Variants in TRPM3 observed in about 807,000 individuals in gnomAD.
The protein encoded by TRPM3 is transient receptor potential cation channel subfamily M member 3.
TRPM3 carries 77 observed loss-of-function variants against 181.2 expected under a neutral mutation model. The ratio of observed to expected loss-of-function variants is 0.42; its 90% CI spans 0.35 to 0.51. The LOEUF (loss-of-function observed/expected upper bound fraction) is 0.51. TRPM3 is among the 20% of genes least tolerant of loss of function. The pLI is 0.01. For missense variants in TRPM3, 1,759 were observed against 2,196.7 expected, an observed-to-expected ratio of 0.80 and a Z score of 3.98; for synonymous variants, 745 against 796.4, an observed-to-expected ratio of 0.94 and a Z score of 1.09.
At chr9:71,337,730 C>A (rs2090660051) in intron 1 of TRPM3, among the ~76,000 whole-genome samples, 1 of 152,090 alleles carries the variant, frequency 6.6e-6, no homozygotes, top group African/African-American at 2.4e-5. Context: ...GGCAAATGTA[C>A]ACTATGGAAT....
At chr9:70,616,573 C>CAA (rs398113513) in intron 17 of TRPM3, among the ~76,000 whole-genome samples, 18,280 of 121,114 alleles carry the variant, frequency 0.15, 1,480 homozygotes, top group Admixed American at 0.21. Flanking sequence ...ATTATCTCTG[C>CAA]AAAAAAAAAA....
chr9:70,954,246 C>T (rs79554752), intron 1 of TRPM3, among the ~76,000 whole-genome samples: 1,759 of 152,244 alleles, frequency 0.012, 39 homozygotes, highest in African/African-American at 0.04. Flanking sequence ...TAAAACATCT[C>T]CATTATTCCT....
intron 1 of TRPM3, among the ~76,000 whole-genome samples, chr9:71,169,492 G>A (rs903303261): frequency 1.9e-4 from 29 of 152,134 alleles, no homozygotes; most frequent in African/African-American, 5.6e-4. Context: ...AAAGTCAATT[G>A]AAAACTATGT....
intron 1 of TRPM3, among the ~76,000 whole-genome samples, chr9:71,077,994 T>C (rs1473465099): frequency 6.6e-6 from 1 of 151,334 alleles, no homozygotes; most frequent in East Asian, 1.9e-4. Context: ...GGCTGGAGTA[T>C]ACTGGTCAAA....
chr9:71,192,242 A>C (rs547046851), intron 1 of TRPM3, among the ~76,000 whole-genome samples: 1 of 152,012 alleles, frequency 6.6e-6, no homozygotes, highest in African/African-American at 2.4e-5. Flanking sequence ...TGAATCAATT[A>C]AAGAATCTAA....
chr9:70,811,219 G>A, intron 6 of TRPM3: 1 of 1,612,206 alleles, frequency 6.2e-7, no homozygotes. Context: ...ACAAGCGGGA[G>A]TCAAGAGAGA....
At chr9:70,771,950 A>G (rs1412486252) in intron 7 of TRPM3, among the ~76,000 whole-genome samples, 1 of 152,200 alleles carries the variant, frequency 6.6e-6, no homozygotes, top group African/African-American at 2.4e-5. Context: ...TATTTGGTTT[A>G]CTAGTGTATT....
At chr9:71,324,967 T>A (rs138426670) in intron 1 of TRPM3, among the ~76,000 whole-genome samples, 1 of 151,974 alleles carries the variant, frequency 6.6e-6, no homozygotes, top group Non-Finnish European at 1.5e-5. Flanking sequence ...GGAGGGAAGA[T>A]GAAGAGAAGT....
At chr9:71,155,802 G>A (rs1197143889) in intron 1 of TRPM3, among the ~76,000 whole-genome samples, 3 of 152,216 alleles carry the variant, frequency 2.0e-5, no homozygotes, top group Admixed American at 6.5e-5. Flanking sequence ...CAGAAAGATT[G>A]TAAAAGGAAT....
intron 1 of TRPM3, among the ~76,000 whole-genome samples, chr9:70,899,568 C>T (rs1208527493): frequency 6.6e-6 from 1 of 152,008 alleles, no homozygotes. Flanking sequence ...TCTTTTTGTT[C>T]CTTCCCTTGA....
At chr9:71,004,648 A>T (rs2134277378) in intron 1 of TRPM3, among the ~76,000 whole-genome samples, 1 of 152,344 alleles carries the variant, frequency 6.6e-6, no homozygotes, top group East Asian at 1.9e-4. Flanking sequence ...AAATTTAAAG[A>T]TCTATGAAAT....
intron 6 of TRPM3, among the ~76,000 whole-genome samples, chr9:70,787,588 C>T (rs1287697161): frequency 2.0e-5 from 3 of 152,100 alleles, no homozygotes; most frequent in African/African-American, 7.2e-5. Context: ...GTCTTTATTT[C>T]TGGCAAAAGA....
rs59442017 is a variant in TRPM3 at position 71,007,039 on chromosome 9, C to CAA, written c.177+114137_177+114138dup. Among the ~76,000 whole-genome samples, 79 of 27,976 alleles carry CAA rather than the reference C, an allele frequency of 2.8e-3. 3 individuals carry two copies. Among genetic ancestry groups the CAA allele is most frequent in the Non-Finnish European group, 2.9e-3 (50 of 17,012 alleles). 18.4% of individuals were successfully genotyped at this position (27,976 alleles called of 152,430 possible). On this transcript the variant is annotated intron_variant, in intron 1 of 25. Coordinates refer to ENST00000677713, the MANE Select transcript of TRPM3 (RefSeq NM_001366145.2). ...AGGCAACAAGAGCGAAACTCCATCT[C>CAA]AAAAAAAAAAAAAAAAAAAAAAAAG... is the stretch of plus-strand genomic sequence containing the variant.
At chr9:71,419,771 T>C (rs537137093) in intron 1 of TRPM3, among the ~76,000 whole-genome samples, 2 of 152,054 alleles carry the variant, frequency 1.3e-5, no homozygotes, top group South Asian at 4.1e-4. Context: ...AAATACACTA[T>C]AAAAAGGGTT....
At chr9:70,680,814 C>T (rs1046514106) in intron 9 of TRPM3, among the ~76,000 whole-genome samples, 1 of 152,306 alleles carries the variant, frequency 6.6e-6, no homozygotes, top group Admixed American at 6.5e-5. Context: ...CTTAGTAAAG[C>T]ACAGGAAGGA....
intron 1 of TRPM3, among the ~76,000 whole-genome samples, chr9:70,932,410 A>C (rs1169261406): frequency 1.3e-5 from 2 of 152,136 alleles, no homozygotes; most frequent in African/African-American, 2.4e-5. Flanking sequence ...CTGGGAATAC[A>C]ATAATGAACA....
chr9:71,143,563 C>A (rs113778958), intron 1 of TRPM3, among the ~76,000 whole-genome samples: 7 of 151,978 alleles, frequency 4.6e-5, no homozygotes, highest in Non-Finnish European at 7.4e-5. Context: ...GGTATATGTG[C>A]CACATTTTCT....
At chr9:71,302,549 C>T (rs1166434010) in intron 1 of TRPM3, among the ~76,000 whole-genome samples, 7 of 152,142 alleles carry the variant, frequency 4.6e-5, no homozygotes, top group Admixed American at 1.3e-4. Context: ...TTGAGGCATC[C>T]ATTGGTTCAA....
chr9:71,030,571 CAA>C (rs34824308), intron 1 of TRPM3, among the ~76,000 whole-genome samples: 2 of 124,094 alleles, frequency 1.6e-5, no homozygotes, highest in Admixed American at 8.2e-5. Flanking sequence ...GACCCCGTTC[CAA>C]AAAAAAAAAA....
Sources: gnomAD v4.1 joint callset for allele counts (sites outside exome capture counted in the v4.1 genomes callset) on GRCh38, gnomAD v4.1.1 for gene constraint, MANE v1.5 for transcripts, NCBI Gene and HGNC (gene_info 2026-07-23, HGNC 2026-07-21) for gene names.